KIF24: variants seen among roughly 807,000 people sequenced by gnomAD.
KIF24 encodes the protein kinesin-like protein KIF24.
KIF24 carries 81 observed loss-of-function variants against 118.9 expected under a neutral mutation model. The ratio of observed to expected loss-of-function variants is 0.68; its 90% CI spans 0.57 to 0.82. The LOEUF (loss-of-function observed/expected upper bound fraction) is 0.82, where lower values mean the gene tolerates loss of function less well. KIF24 is among the 40% of genes least tolerant of loss of function. KIF24 has a pLI of 0.00. For synonymous variants in KIF24, 599 were observed against 610.0 expected, an observed-to-expected ratio of 0.98 and a Z score of 0.27; for missense variants, 1,560 against 1,661.6, an observed-to-expected ratio of 0.94 and a Z score of 1.06.
At chr9:34,306,748 G>A (rs7047723) in intron 2 of KIF24, among the ~76,000 whole-genome samples, 34,178 of 151,686 alleles carry the variant, frequency 0.23, 4,525 homozygotes, top group East Asian at 0.61. Flanking sequence ...CTTGCAGTGA[G>A]CCGAGATTGC....
intron 5 of KIF24, 114 bp from the exon 6 acceptor site, chr9:34,286,818 T>G: frequency 1.4e-6 from 1 of 721,908 alleles, no homozygotes; most frequent in Non-Finnish European, 2.4e-6. Flanking sequence ...TCTGTTTGAG[T>G]GGGATGGATG....
rs540272569 is a variant in KIF24 at position 34,315,556 on chromosome 9, A to T, written c.-25-4185T>A. Among the ~76,000 whole-genome samples the T allele has an allele frequency of 4.7e-4, 71 of 152,252 alleles. 1 individual carries two copies. The highest frequency in any genetic ancestry group is 1.3e-3 in the African/African-American group (52 of 41,554). On this transcript the variant is annotated intron_variant, in intron 1 of 12. Coordinates refer to ENST00000402558, the MANE Select transcript of KIF24 (RefSeq NM_194313.4). Reference sequence around the variant, plus strand: ...ATTTATGACATACATACTCATTTTTAAAAAAAATTATTGCCAGTCTTGTTC... The same window carrying T: ...ATTTATGACATACATACTCATTTTTTAAAAAAATTATTGCCAGTCTTGTTC...
chr9:34,309,528 G>A (rs898221524), intron 2 of KIF24, among the ~76,000 whole-genome samples: 5 of 136,190 alleles, frequency 3.7e-5, no homozygotes, highest in Admixed American at 8.4e-5. Context: ...GCGACAGTGC[G>A]AGACTCCGTC....
At chr9:34,286,117 T>C (rs1399187939) in intron 6 of KIF24, among the ~76,000 whole-genome samples, 2 of 151,588 alleles carry the variant, frequency 1.3e-5, no homozygotes, top group Non-Finnish European at 2.9e-5. Context: ...GTGGATCACC[T>C]GAGGTCAGGA....
At chr9:34,303,530 T>C (rs187990248) in intron 3 of KIF24, among the ~76,000 whole-genome samples, 4 of 152,296 alleles carry the variant, frequency 2.6e-5, no homozygotes, top group Admixed American at 2.0e-4. Context: ...ATGTCTTATG[T>C]AGGCTTTTGT....
intron 8 of KIF24, among the ~76,000 whole-genome samples, chr9:34,268,533 A>T: frequency 1.6e-5 from 2 of 122,878 alleles, no homozygotes; most frequent in African/African-American, 3.2e-5. Context: ...TTTGAGACTG[A>T]GTCTCACTCT....
intron 1 of KIF24, among the ~76,000 whole-genome samples, chr9:34,312,842 G>A (rs535309124): frequency 3.3e-5 from 5 of 152,252 alleles, no homozygotes; most frequent in African/African-American, 1.2e-4. Flanking sequence ...GGATTCACAG[G>A]TGCGTGCCAC....
At chr9:34,309,553 A>AC (rs1371042430) in intron 2 of KIF24, among the ~76,000 whole-genome samples, 1 of 151,756 alleles carries the variant, frequency 6.6e-6, no homozygotes, top group African/African-American at 2.4e-5. Flanking sequence ...AAAAAAAAAA[A>AC]AAAAAAAGAA....
intron 1 of KIF24, among the ~76,000 whole-genome samples, chr9:34,313,974 CA>C (rs1247486448): frequency 2.0e-5 from 3 of 149,594 alleles, no homozygotes; most frequent in Non-Finnish European, 4.5e-5. Context: ...GGGCTAGTCT[CA>C]AACCCCTGGG....
intron 1 of KIF24, among the ~76,000 whole-genome samples, chr9:34,323,772 A>G (rs145563290): frequency 7.9e-5 from 12 of 152,348 alleles, no homozygotes; most frequent in Middle Eastern, 3.4e-3. Context: ...AACGACTAAA[A>G]CAATAATTTC....
chr9:34,315,615 A>C (rs1837305684), intron 1 of KIF24, among the ~76,000 whole-genome samples: 2 of 152,218 alleles, frequency 1.3e-5, no homozygotes, highest in Admixed American at 1.3e-4. Context: ...GCCTTGTACT[A>C]CTGTGTGAAT....
In KIF24 at chr9:34,257,224, G is replaced by C; in HGVS notation, c.2383C>G (p.Pro795Ala). The change falls in exon 11 of 13, where the codon CCC becomes GCC. Residue 795 changes from proline to alanine, a missense_variant. Physicochemically the swap from Pro to Ala is conservative, Grantham distance 27 (BLOSUM62 -1). Coordinates refer to ENST00000402558, the MANE Select transcript of KIF24 (RefSeq NM_194313.4). ...PLKRSLRQYR[P>A]PEGQLTNETP... ...TCATTCGTGAGCTGACCCTCTGGGG[G>C]CCTGTACTGGCGTAAAGACCTTTTC... 1 of 1,614,062 alleles carries C rather than the reference G, an allele frequency of 6.2e-7. No homozygotes were observed. The highest frequency in any genetic ancestry group is 1.1e-5 in the South Asian group (1 of 91,088).
chr9:34,290,237 A>AG lies in KIF24; in HGVS notation c.1063_1064insC (p.Val355AlafsTer7). On this transcript the variant is annotated frameshift_variant, in exon 5 of 13. Transcript: ENST00000402558. LOFTEE classifies it high-confidence loss of function. Reference sequence around the variant, plus strand: ...GTAAATTTCATAGAAGCTGATCCACACAAAGAGGTGCTTTCTTGGCTGGGA... The same window carrying AG: ...GTAAATTTCATAGAAGCTGATCCACAGCAAAGAGGTGCTTTCTTGGCTGGGA... 6.2e-7 allele frequency: 1 copy of AG among 1,613,948 alleles called. No homozygotes were observed. The highest frequency in any genetic ancestry group is 1.1e-5 in the South Asian group (1 of 91,082).
At chr9:34,289,426 C>A (rs539380523) in intron 5 of KIF24, among the ~76,000 whole-genome samples, 1 of 152,140 alleles carries the variant, frequency 6.6e-6, no homozygotes, top group African/African-American at 2.4e-5. Context: ...CCCTAGTCTT[C>A]CAGGAGGCTC....
At chr9:34,279,787 CTGT>C (rs1283971521) in intron 6 of KIF24, among the ~76,000 whole-genome samples, 2 of 152,194 alleles carry the variant, frequency 1.3e-5, no homozygotes, top group Admixed American at 6.5e-5. Context: ...TTAGCAAGTG[CTGT>C]TGTTTCAAGT....
In KIF24 at chr9:34,311,146, T is replaced by A. The variant is rs759827357; in HGVS notation, c.201A>T (p.Glu67Asp). 10 of 1,613,636 alleles carry A rather than the reference T, an allele frequency of 6.2e-6. No individual in the cohort carries two copies. In the Admixed American group the frequency reaches 1.3e-4, roughly 22 times the overall value. Residue 67 changes from glutamate to aspartate, a missense_variant, in exon 2 of 13, where the codon GAA (glutamate) becomes GAT (aspartate). Physicochemically the swap from Glu to Asp is conservative, Grantham distance 45. Coordinates refer to ENST00000402558, the MANE Select transcript of KIF24 (RefSeq NM_194313.4). ...GCTCTGGGATACTGACTGCTTTATCTTCTTCTTGCATAATCTTAATAATTT... is the reference window on the plus strand; with the variant it reads ...GCTCTGGGATACTGACTGCTTTATCATCTTCTTGCATAATCTTAATAATTT... The part of the protein sequence containing the change: ...LIKIIKIMQE[E>D]DKAVSIPERH...
chr9:34,322,666 C>T (rs915310601), intron 1 of KIF24, among the ~76,000 whole-genome samples: 6 of 152,182 alleles, frequency 3.9e-5, no homozygotes, highest in East Asian at 1.9e-4. Context: ...CCAGCCTGGA[C>T]GACATGGTGA....
rs189793192 is a variant in KIF24, at chr9:34,311,071, A to G, written c.276T>C (p.Ser92=). 3.1e-6 allele frequency: 5 copies of G among 1,613,930 alleles called. No homozygotes were observed. In the East Asian group the frequency reaches 1.1e-4, roughly 36 times the overall value. ...SLRIKSQELR[S]GPRRQLNFDS... is the part of the protein sequence containing the mutation. Reference sequence around the variant, plus strand: ...CAAAATTCAGCTGTCTGCGAGGGCCAGATCTTAATTCCTGAGATTTGATGC... The same window carrying G: ...CAAAATTCAGCTGTCTGCGAGGGCCGGATCTTAATTCCTGAGATTTGATGC... The change falls in exon 2 of 13, where the codon TCT becomes TCC. Residue 92 remains serine (S), a synonymous_variant. Coordinates refer to ENST00000402558, the MANE Select transcript of KIF24 (RefSeq NM_194313.4).
Position 34,254,304 on chromosome 9 carries a change from G to A in KIF24, c.*76C>T, listed in dbSNP as rs549082113. The A allele has an allele frequency of 2.8e-6, 4 of 1,453,392 alleles. No homozygotes were observed. In the African/African-American group the frequency reaches 4.3e-5, roughly 15 times the overall value. The allele number at this position is 1,453,392 out of a possible 1,614,324, so 90.0% of individuals were successfully genotyped here. On this transcript the variant is annotated 3_prime_UTR_variant, in exon 13 of 13. Coordinates refer to ENST00000402558, the MANE Select transcript of KIF24 (RefSeq NM_194313.4). The stretch of plus-strand genomic sequence containing the variant: ...GTTCTGGTGTGTGCAGGGAGGACCT[G>A]GCAGAGGCTCCTCCAGCCTGAGAGC...
Sources: gnomAD v4.1 joint callset for allele counts (sites outside exome capture counted in the v4.1 genomes callset) on GRCh38, gnomAD v4.1.1 for gene constraint, MANE v1.5 for transcripts, NCBI Gene and HGNC (gene_info 2026-07-23, HGNC 2026-07-21) for gene names.